SCRIB: variants seen among roughly 807,000 people sequenced by gnomAD.
The protein encoded by SCRIB is protein scribble homolog.
A neutral mutation model predicts 170.0 loss-of-function variants in SCRIB; 72 were observed. That is an observed-to-expected ratio of 0.42 (90% CI 0.35 to 0.52). The LOEUF is 0.52. SCRIB is among the 20% of genes least tolerant of loss of function. SCRIB has a pLI of 0.02. For missense variants in SCRIB, 2,475 were observed against 2,338.5 expected (o/e 1.06, Z -1.20); for synonymous variants, 1,298 against 1,044.3 (o/e 1.24, Z -4.68).
At chr8:143,802,651 C>A (rs556114294) in intron 24 of SCRIB, among the ~76,000 whole-genome samples, 2 of 152,390 alleles carry the variant, frequency 1.3e-5, no homozygotes, top group Non-Finnish European at 2.9e-5. Context: ...CAGTGAAGAA[C>A]CCCTGGAAAC....
intron 24 of SCRIB, among the ~76,000 whole-genome samples, chr8:143,799,868 A>G (rs1450243413): frequency 6.6e-6 from 1 of 152,054 alleles, no homozygotes; most frequent in Non-Finnish European, 1.5e-5. Context: ...TGCTAGGGAC[A>G]TGCAGGCAGC....
At chr8:143,806,834 T>C (rs1815447038) in intron 17 of SCRIB, 90 bp downstream of exon 17, 3 of 944,866 alleles carry the variant, frequency 3.2e-6, no homozygotes, top group Non-Finnish European at 4.8e-6. Flanking sequence ...CGTGTGAGTG[T>C]TCTCAGGGCA....
intron 14 of SCRIB, among the ~76,000 whole-genome samples, chr8:143,809,257 G>A (rs1407868234): frequency 6.6e-6 from 1 of 152,164 alleles, no homozygotes; most frequent in East Asian, 1.9e-4. Flanking sequence ...GGTGCGCCAA[G>A]GCCTCACACC....
intron 8 of SCRIB, 32 bp from the exon 9 acceptor site, chr8:143,812,416 A>C (rs1267913935): frequency 6.6e-7 from 1 of 1,517,844 alleles, no homozygotes; most frequent in African/African-American, 1.4e-5. Context: ...GACAAGGCTG[A>C]GCATGGTCCC....
At chr8:143,804,370 G>A (rs1030199685) in intron 21 of SCRIB, among the ~76,000 whole-genome samples, 198 bp downstream of exon 21, 10 of 152,262 alleles carry the variant, frequency 6.6e-5, no homozygotes, top group Non-Finnish European at 1.3e-4. Context: ...GGCCAGCCAG[G>A]AGACTGTGTC....
chr8:143,811,307 G>A lies in SCRIB; in HGVS notation c.945C>T (p.Thr315=). The change falls in exon 10 of 37, where the codon ACC becomes ACT. Residue 315 remains threonine (T), a synonymous_variant. Transcript: ENST00000356994. ...GGTGGTTCCGGTCCACGTTGAGGTT[G>A]GTCAGCTTAGTCAGCTTTCCCAGGG... ...PRSLGKLTKL[T]NLNVDRNHLE... 1 of 1,612,862 alleles carries A rather than the reference G, an allele frequency of 6.2e-7. No individual in the cohort carries two copies. The highest frequency in any genetic ancestry group is 1.1e-5 in the South Asian group (1 of 91,036).
At position 143,791,035 on chromosome 8, in the gene SCRIB, T is replaced by C. The variant is rs531614708; in HGVS notation, c.*128A>G. 353 of 996,666 alleles carry C rather than the reference T, an allele frequency of 3.5e-4. No individual in the cohort carries two copies. The highest frequency in any genetic ancestry group is 7.5e-4 in the Admixed American group (19 of 25,252). 61.7% of individuals were successfully genotyped at this position (996,666 alleles called of 1,614,324 possible). A position where few individuals can be genotyped will look rare whatever the true frequency, so the allele number is the denominator to read the frequency against. ...TCTCGGCTGGGGTGGGGCAGTTAGT[T>C]AGTCACAGGCCAGAACTCCTGTGGG... On this transcript the variant is annotated 3_prime_UTR_variant, in exon 37 of 37. Transcript: ENST00000356994.
At chr8:143,791,482 C>T in intron 35 of SCRIB, 42 bp from the exon 36 acceptor site, 5 of 1,602,800 alleles carry the variant, frequency 3.1e-6, no homozygotes, top group Non-Finnish European at 4.3e-6. Context: ...GCCAGCCCTG[C>T]CCCAAACCAC....
At position 143,813,737 on chromosome 8, in the gene SCRIB, G is replaced by A. The variant is rs369117341; in HGVS notation, c.357-11C>T. The A allele has an allele frequency of 2.9e-5, 47 of 1,613,144 alleles. No individual in the cohort carries two copies. The highest frequency in any genetic ancestry group is 1.6e-4 in the East Asian group (7 of 44,892). On this transcript the variant is annotated splice_polypyrimidine_tract_variant and intron_variant, in intron 3 of 36. Coordinates refer to ENST00000356994, the MANE Select transcript of SCRIB (RefSeq NM_182706.5). ...AAGCCATCAGGGAGCCTGGATGGGAGGAAGCAGAGGCCCTCGGATGACCAG... is the reference window on the plus strand; with the variant it reads ...AAGCCATCAGGGAGCCTGGATGGGAAGAAGCAGAGGCCCTCGGATGACCAG...
intron 9 of SCRIB, 44 bp downstream of exon 9, chr8:143,812,222 C>T (rs749934693): frequency 2.4e-6 from 3 of 1,269,490 alleles, no homozygotes; most frequent in East Asian, 2.3e-5. Context: ...TTGTTCTGCA[C>T]CCCCGACGGC....
At chr8:143,793,212 G>A in intron 28 of SCRIB, 129 bp from the exon 29 acceptor site, 1 of 551,588 alleles carries the variant, frequency 1.8e-6, no homozygotes, top group South Asian at 3.0e-5. Context: ...CATCCTGCTG[G>A]GGAAGGAGGC....
intron 35 of SCRIB, 81 bp downstream of exon 35, chr8:143,791,585 G>T: frequency 6.6e-7 from 1 of 1,509,994 alleles, no homozygotes; most frequent in Admixed American, 1.7e-5. Flanking sequence ...GCAGAGCGTG[G>T]GGAGGCCCTG....
intron 28 of SCRIB, chr8:143,793,334 G>T: frequency 2.7e-6 from 1 of 368,524 alleles, no homozygotes; most frequent in East Asian, 3.9e-5. Flanking sequence ...ATCACCCCTG[G>T]TTTTGTCTAA....
Position 143,791,126 on chromosome 8 carries a change from G to A in SCRIB, c.*37C>T, listed in dbSNP as rs1554632458. The A allele has an allele frequency of 1.4e-6, 2 of 1,382,738 alleles. No individual in the cohort carries two copies. Among genetic ancestry groups the A allele is most frequent in the Middle Eastern group, 2.6e-4 (1 of 3,868 alleles). 85.7% of individuals were successfully genotyped at this position (1,382,738 alleles called of 1,614,324 possible). On this transcript the variant is annotated 3_prime_UTR_variant, in exon 37 of 37. Coordinates refer to ENST00000356994, the MANE Select transcript of SCRIB (RefSeq NM_182706.5). ...GCAAGGGTGGTGCTGGAGCTGGCAG[G>A]GCCCCCACCCCAAGTCTGGGGGAGG...
intron 19 of SCRIB, 38 bp from the exon 20 acceptor site, chr8:143,805,052 G>A (rs1169044588): frequency 2.5e-6 from 4 of 1,582,356 alleles, no homozygotes; most frequent in African/African-American, 1.3e-5. Context: ...CTGCCGGTGA[G>A]GCTGGAGTGC....
intron 15 of SCRIB, among the ~76,000 whole-genome samples, chr8:143,808,272 G>A (rs1331371113): frequency 6.6e-6 from 1 of 151,726 alleles, no homozygotes; most frequent in African/African-American, 2.4e-5. Flanking sequence ...ATACTGGCCA[G>A]CAGAGCTGCC....
Position 143,805,386 on chromosome 8 carries a change from G to C in SCRIB, c.2396C>G (p.Ala799Gly). The change falls in exon 19 of 37, where the codon GCG (alanine) becomes GGG (glycine). Residue 799 changes from alanine to glycine, a missense_variant. Physicochemically the swap from Ala to Gly is moderately conservative, Grantham distance 60 (BLOSUM62 0). This residue lies in a region of SCRIB where 1,966 missense variants were observed against 1,742.9 expected (regional missense o/e 1.13). Coordinates refer to ENST00000356994, the MANE Select transcript of SCRIB (RefSeq NM_182706.5). ...CACGGCAGTGCCGGCCCCCCGGAGC[G>C]CCTCCACGGCCTCGTGGTGCTCGGC... Reference protein sequence around the residue: ...QGAEHHEAVEALRGAGTAVQM... With the variant: ...QGAEHHEAVEGLRGAGTAVQM... 1 of 1,543,328 alleles carries C rather than the reference G, an allele frequency of 6.5e-7. No individual in the cohort carries two copies. The highest frequency in any genetic ancestry group is 8.7e-7 in the Non-Finnish European group (1 of 1,150,308).
In SCRIB at chr8:143,805,086, TC is replaced by T. The variant is rs781796446; in HGVS notation, c.2670+25del. On this transcript the variant is annotated intron_variant, in intron 19 of 36. Coordinates refer to ENST00000356994, the MANE Select transcript of SCRIB (RefSeq NM_182706.5). Reference sequence around the variant, plus strand: ...GCGGCTGTCAGCTCTAGAGCAGCCCTCCCCGGCCCTGGGCCCCAGCCTCACC... The same window carrying T: ...GCGGCTGTCAGCTCTAGAGCAGCCCTCCCGGCCCTGGGCCCCAGCCTCACC... The T allele has an allele frequency of 6.3e-6, 10 of 1,592,734 alleles. No individual in the cohort carries two copies. The East Asian group carries it at 2.3e-4, about 36-fold the overall frequency.
chr8:143,807,913 G>A (rs1432170358), intron 15 of SCRIB, among the ~76,000 whole-genome samples: 5 of 152,186 alleles, frequency 3.3e-5, no homozygotes, highest in Admixed American at 6.5e-5. Context: ...CAAGGGCAGG[G>A]ATAGTGAGAC....
Sources: allele counts gnomAD v4.1 joint callset (sites outside exome capture counted in the v4.1 genomes callset), GRCh38; gene constraint gnomAD v4.1.1; regional missense constraint gnomAD v4.1.1; transcripts MANE v1.5; gene names NCBI Gene and HGNC (gene_info 2026-07-23, HGNC 2026-07-21).